Variants in ZNF536 observed in about 807,000 individuals in gnomAD.
The protein encoded by ZNF536 is zinc finger protein 536.
A neutral mutation model predicts 84.5 loss-of-function variants in ZNF536; 13 were observed. The ratio of observed to expected loss-of-function variants is 0.15; its 90% CI spans 0.10 to 0.24. ZNF536 has a LOEUF of 0.24. Ranked by LOEUF, ZNF536 falls within the 10% of genes least tolerant of loss-of-function variation. The pLI is 1.00. For synonymous variants in ZNF536, 811 were observed against 742.5 expected, an observed-to-expected ratio of 1.09 and a Z score of -1.50; for missense variants, 1,536 against 1,747.5, an observed-to-expected ratio of 0.88 and a Z score of 2.16.
At position 30,259,429 on chromosome 19, in the gene ZNF536, G is replaced by A. The variant is rs1223480042; in HGVS notation, c.-189-24643G>A. ...TGGCGCAACAGCATGGGCGTCACCA[G>A]GGAGCTTGTTAGAAATGCAAATCCC... On this transcript the variant is annotated intron_variant, in intron 1 of 5. Transcript: ENST00000585628. Among the ~76,000 whole-genome samples, 4 of 152,330 alleles carry A rather than the reference G, an allele frequency of 2.6e-5. No individual in the cohort carries two copies. The East Asian group carries it at 5.8e-4, about 22-fold the overall frequency.
At chr19:30,366,221 T>C (rs756203213) in intron 3 of ZNF536, among the ~76,000 whole-genome samples, 12 of 152,218 alleles carry the variant, frequency 7.9e-5, no homozygotes, top group Admixed American at 3.3e-4. Context: ...TGCTGGGCAA[T>C]GCTTTCTGGC....
At chr19:30,281,060 C>T (rs757175738) in intron 1 of ZNF536, among the ~76,000 whole-genome samples, 8 of 152,206 alleles carry the variant, frequency 5.3e-5, no homozygotes, top group East Asian at 3.9e-4. Flanking sequence ...TCAGAGCTGC[C>T]GAGGCACCTT....
At chr19:30,263,779 A>G (rs2025349556) in intron 1 of ZNF536, among the ~76,000 whole-genome samples, 1 of 151,908 alleles carries the variant, frequency 6.6e-6, no homozygotes, top group East Asian at 1.9e-4. Context: ...ATTGTTTTCT[A>G]TCTCTAGGTT....
intron 1 of ZNF536, among the ~76,000 whole-genome samples, chr19:30,428,527 C>T (rs2051310503): frequency 6.6e-6 from 1 of 152,198 alleles, no homozygotes; most frequent in African/African-American, 2.4e-5. Flanking sequence ...GTAGCAGTGG[C>T]CACCCTGTGG....
At chr19:30,644,582 G>A (rs1488000444) in intron 1 of ZNF536, among the ~76,000 whole-genome samples, 1 of 151,908 alleles carries the variant, frequency 6.6e-6, no homozygotes, top group African/African-American at 2.4e-5. Context: ...TGTTCTCATT[G>A]TTCAATTCCC....
chr19:30,410,457 G>A lies in ZNF536; in HGVS notation c.-2-33104G>A, dbSNP rs973441308. Among the ~76,000 whole-genome samples, 21 of 142,302 alleles carry A rather than the reference G, an allele frequency of 1.5e-4. 1 individual carries two copies. The highest frequency in any genetic ancestry group is 5.8e-4 in the African/African-American group (21 of 36,358). 93.4% of individuals were successfully genotyped at this position (142,302 alleles called of 152,430 possible). A position where few individuals can be genotyped will look rare whatever the true frequency, so the allele number is the denominator to read the frequency against. ...ATTTGAAATAAATAAACAATGAAAA[G>A]TGAAGGTCTTTTTTTTTTTTTTTTT... On this transcript the variant is annotated intron_variant, in intron 1 of 4. Coordinates refer to ENST00000355537, the MANE Select transcript of ZNF536 (RefSeq NM_014717.3).
intron 1 of ZNF536, among the ~76,000 whole-genome samples, chr19:30,683,476 TG>T (rs771075645): frequency 1.3e-5 from 2 of 152,210 alleles, no homozygotes; most frequent in Non-Finnish European, 2.9e-5. Flanking sequence ...TGTTTGCATT[TG>T]GAAAACCTCT....
intron 1 of ZNF536, among the ~76,000 whole-genome samples, chr19:30,609,421 A>G (rs732876): frequency 0.13 from 20,331 of 152,148 alleles, 1,456 homozygotes; most frequent in Admixed American, 0.19. Context: ...GCTAAATTCT[A>G]CCCCTGACTC....
chr19:30,616,675 T>C (rs1296028460), intron 1 of ZNF536, among the ~76,000 whole-genome samples: 1 of 152,204 alleles, frequency 6.6e-6, no homozygotes, highest in African/African-American at 2.4e-5. Context: ...AAAAAAGAAT[T>C]TGGAAATTTT....
Position 30,310,977 on chromosome 19 carries a change from G to A in ZNF536, c.-120+26836G>A, listed in dbSNP as rs555726761. 3.3e-5 allele frequency among the ~76,000 whole-genome samples: 5 copies of A among 152,312 alleles called. No individual in the cohort carries two copies. The South Asian group carries it at 1.0e-3, about 32-fold the overall frequency. ...CCGGCTCCCTTGCCCGTGGGTTTTT[G>A]TAAGGTTGGTTCAGGAGATCCATCG... On this transcript the variant is annotated intron_variant, in intron 2 of 5. Transcript: ENST00000585628.
At chr19:30,366,312 A>C (rs532557172) in intron 3 of ZNF536, among the ~76,000 whole-genome samples, 1 of 152,276 alleles carries the variant, frequency 6.6e-6, no homozygotes, top group East Asian at 1.9e-4. Flanking sequence ...TGCCTGATCA[A>C]TTGAGCTAGC....
chr19:30,253,736 C>G (rs1367606113), intron 1 of ZNF536, among the ~76,000 whole-genome samples: 1 of 152,046 alleles, frequency 6.6e-6, no homozygotes, highest in East Asian at 1.9e-4. Flanking sequence ...GGGGTGGCGC[C>G]GACAGCTCCA....
chr19:30,362,310 G>A (rs980962478), intron 3 of ZNF536, among the ~76,000 whole-genome samples: 5 of 152,114 alleles, frequency 3.3e-5, no homozygotes, highest in Non-Finnish European at 5.9e-5. Flanking sequence ...GTGAGCTCCG[G>A]AAGATGAGAG....
intron 1 of ZNF536, among the ~76,000 whole-genome samples, chr19:30,254,560 G>T (rs2866818): frequency 7.0e-6 from 1 of 142,910 alleles, no homozygotes; most frequent in South Asian, 2.2e-4. Context: ...CCAGAGAGTT[G>T]TCTTAAATTT....
At chr19:30,516,209 G>C (rs998238179) in intron 2 of ZNF536, among the ~76,000 whole-genome samples, 24 of 152,088 alleles carry the variant, frequency 1.6e-4, no homozygotes, top group African/African-American at 4.8e-5. Flanking sequence ...GGACCATAGA[G>C]AGAACTAGGT....
rs571224999 is a variant in ZNF536 at position 30,487,699 on chromosome 19, G to C, written c.2170+41967G>C. 5.3e-5 allele frequency among the ~76,000 whole-genome samples: 8 copies of C among 152,298 alleles called. No individual in the cohort carries two copies. In the South Asian group the frequency reaches 1.4e-3, roughly 28 times the overall value. On this transcript the variant is annotated intron_variant, in intron 2 of 4. Transcript: ENST00000355537. ...TTGTTCTTCAAAAACCTGAAGTCCT[G>C]AAGTGAGGACCAAAGAGATAGTAGT...
In ZNF536 at chr19:30,263,914, C is replaced by T. The variant is rs73924253; in HGVS notation, c.-189-20158C>T. Among the ~76,000 whole-genome samples the T allele has an allele frequency of 4.2e-3, 645 of 152,140 alleles. 4 individuals are homozygous for T. Among genetic ancestry groups the T allele is most frequent in the African/African-American group, 0.015 (616 of 41,504 alleles). On this transcript the variant is annotated intron_variant, in intron 1 of 5. Coordinates refer to the ZNF536 transcript ENST00000585628. Reference sequence around the variant, plus strand: ...CACACACACACACACCCTACACACACGCATTTCAGACTACACTGAAAAACT... The same window carrying T: ...CACACACACACACACCCTACACACATGCATTTCAGACTACACTGAAAAACT...
At chr19:30,334,673 CA>C (rs2047322419) in intron 2 of ZNF536, among the ~76,000 whole-genome samples, 1 of 152,136 alleles carries the variant, frequency 6.6e-6, no homozygotes, top group South Asian at 2.1e-4. Context: ...GTGGGTTGAT[CA>C]TGGAGATGTT....
intron 2 of ZNF536, among the ~76,000 whole-genome samples, chr19:30,521,310 C>T (rs568321583): frequency 1.3e-5 from 2 of 152,294 alleles, no homozygotes; most frequent in South Asian, 2.1e-4. Flanking sequence ...ACACTTTGCT[C>T]AGCTACCTGC....
Sources: gnomAD v4.1 joint callset for allele counts (sites outside exome capture counted in the v4.1 genomes callset) on GRCh38, gnomAD v4.1.1 for gene constraint, MANE v1.5 for transcripts, NCBI Gene and HGNC (gene_info 2026-07-23, HGNC 2026-07-21) for gene names.